The following CAMTA1 variants were observed in gnomAD, a reference collection of about 807,000 sequenced individuals.
CAMTA1 encodes calmodulin-binding transcription activator 1.
Under a neutral mutation model 170.9 loss-of-function variants are expected in CAMTA1, and 27 were observed. The ratio of observed to expected loss-of-function variants is 0.16; its 90% CI spans 0.12 to 0.22. The LOEUF (loss-of-function observed/expected upper bound fraction) is 0.22, where lower values mean the gene tolerates loss of function less well. CAMTA1 is among the 10% of genes least tolerant of loss of function. The pLI is 1.00. For missense variants in CAMTA1, 1,619 were observed against 2,217.2 expected (o/e 0.73, Z 5.42); for synonymous variants, 833 against 891.5 (o/e 0.93, Z 1.17).
At chr1:7,367,395 A>G (rs1435489356) in intron 5 of CAMTA1, among the ~76,000 whole-genome samples, 1 of 152,250 alleles carries the variant, frequency 6.6e-6, no homozygotes, top group Non-Finnish European at 1.5e-5. Flanking sequence ...GGCCAGATTT[A>G]TTATGTTTAC....
intron 11 of CAMTA1, among the ~76,000 whole-genome samples, chr1:7,705,198 C>T (rs1447587477): frequency 6.8e-6 from 1 of 147,640 alleles, no homozygotes; most frequent in Non-Finnish European, 1.5e-5. Flanking sequence ...GTTTCTGGGG[C>T]GAGAGTGGGG....
At chr1:6,955,853 C>T (rs1053784652) in intron 3 of CAMTA1, among the ~76,000 whole-genome samples, 5 of 152,144 alleles carry the variant, frequency 3.3e-5, no homozygotes, top group South Asian at 2.1e-4. Flanking sequence ...CCATGCCCAG[C>T]AGAGTCAAGG....
At chr1:7,718,842 C>G (rs1339739110) in intron 11 of CAMTA1, among the ~76,000 whole-genome samples, 2 of 127,898 alleles carry the variant, frequency 1.6e-5, no homozygotes, top group Non-Finnish European at 3.1e-5. Flanking sequence ...CAGGCATGAG[C>G]CCGGTCAGCC....
At chr1:7,104,147 AAC>A (rs1379220052) in intron 4 of CAMTA1, among the ~76,000 whole-genome samples, 4 of 150,698 alleles carry the variant, frequency 2.7e-5, no homozygotes, top group African/African-American at 2.4e-5. Context: ...ACGTACACAC[AAC>A]ACACATATGC....
At chr1:7,731,263 C>T (rs192139142) in intron 11 of CAMTA1, among the ~76,000 whole-genome samples, 58 of 152,092 alleles carry the variant, frequency 3.8e-4, no homozygotes, top group African/African-American at 1.3e-3. Flanking sequence ...TGTTTGTCTC[C>T]GATGAGACAT....
intron 1 of CAMTA1, among the ~76,000 whole-genome samples, chr1:6,799,907 C>G (rs1643483581): frequency 6.6e-6 from 1 of 152,094 alleles, no homozygotes; most frequent in South Asian, 2.1e-4. Flanking sequence ...TATGGAATTT[C>G]ATTTCAGGGC....
intron 6 of CAMTA1, 84 bp from the exon 7 acceptor site, chr1:7,640,316 C>A (rs2095750930): frequency 2.7e-6 from 4 of 1,497,222 alleles, no homozygotes; most frequent in East Asian, 4.6e-5. Flanking sequence ...TCAGTCTCTG[C>A]CTGCACCTGC....
At chr1:7,556,305 C>T (rs372308678) in intron 6 of CAMTA1, among the ~76,000 whole-genome samples, 2 of 152,062 alleles carry the variant, frequency 1.3e-5, no homozygotes. Context: ...AAGGTGGGTT[C>T]CCAGGCCAGT....
chr1:7,078,019 C>G (rs75429478), intron 3 of CAMTA1, among the ~76,000 whole-genome samples: 1,953 of 152,276 alleles, frequency 0.013, 42 homozygotes, highest in African/African-American at 0.044. Flanking sequence ...TACACACACT[C>G]TGATATAAAT....
intron 4 of CAMTA1, among the ~76,000 whole-genome samples, chr1:7,167,104 C>T: frequency 6.6e-6 from 1 of 152,052 alleles, no homozygotes; most frequent in East Asian, 1.9e-4. Flanking sequence ...AGCCACCGTG[C>T]CCGGACAATG....
chr1:6,869,617 C>G (rs1472847812), intron 3 of CAMTA1, among the ~76,000 whole-genome samples: 1 of 152,142 alleles, frequency 6.6e-6, no homozygotes. Flanking sequence ...TAGCCTTTAC[C>G]TTCCCCTCCC....
intron 6 of CAMTA1, among the ~76,000 whole-genome samples, chr1:7,572,480 A>C (rs1180515361): frequency 6.6e-6 from 1 of 152,190 alleles, no homozygotes; most frequent in African/African-American, 2.4e-5. Context: ...TAGGTCTTAC[A>C]TTTAAGTCTT....
chr1:7,522,864 T>A (rs961803010), intron 6 of CAMTA1, among the ~76,000 whole-genome samples: 1 of 152,202 alleles, frequency 6.6e-6, no homozygotes, highest in Non-Finnish European at 1.5e-5. Flanking sequence ...GTTCTGTTGA[T>A]CTCTTTTTTT....
At chr1:7,240,421 A>C (rs546376395) in intron 4 of CAMTA1, among the ~76,000 whole-genome samples, 2 of 152,190 alleles carry the variant, frequency 1.3e-5, no homozygotes, top group African/African-American at 4.8e-5. Flanking sequence ...TTATGAACTC[A>C]TAGATTTAAA....
chr1:6,992,566 A>G (rs1696561698), intron 3 of CAMTA1, among the ~76,000 whole-genome samples: 1 of 152,216 alleles, frequency 6.6e-6, no homozygotes, highest in African/African-American at 2.4e-5. Context: ...ATTTATCAAG[A>G]AAAGAGGTTT....
At chr1:7,433,029 C>G (rs1411050697) in intron 5 of CAMTA1, among the ~76,000 whole-genome samples, 2 of 152,226 alleles carry the variant, frequency 1.3e-5, no homozygotes, top group African/African-American at 4.8e-5. Context: ...AGGAAGCAGG[C>G]AGCCTCCCTC....
intron 4 of CAMTA1, among the ~76,000 whole-genome samples, chr1:7,099,948 G>T (rs944447755): frequency 3.3e-5 from 5 of 152,206 alleles, no homozygotes; most frequent in African/African-American, 1.2e-4. Context: ...GAGAATCAAT[G>T]TGTCTCCCGC....
Position 7,681,383 on chromosome 1 carries a change from C to T in CAMTA1, c.2914+3650C>T, listed in dbSNP as rs573733582. ...ACCTGAAGCCTGAGCAGGGTTAGCCCGGGAAGAGGGGGCATCAAGGGTGGC... is the reference window on the plus strand; with the variant it reads ...ACCTGAAGCCTGAGCAGGGTTAGCCTGGGAAGAGGGGGCATCAAGGGTGGC... On this transcript the variant is annotated intron_variant, in intron 11 of 22. Transcript: ENST00000303635. This position sits in a 1 kb window ranked among gnomAD's most constrained non-coding sequence, Gnocchi z 4.6. Among the ~76,000 whole-genome samples the T allele has an allele frequency of 2.0e-5, 3 of 152,298 alleles. No individual in the cohort carries two copies. The highest frequency in any genetic ancestry group is 2.4e-5 in the African/African-American group (1 of 41,558).
intron 3 of CAMTA1, among the ~76,000 whole-genome samples, chr1:7,047,565 C>G (rs1403115997): frequency 6.6e-6 from 1 of 152,152 alleles, no homozygotes; most frequent in East Asian, 1.9e-4. Context: ...CCCTTTCATT[C>G]TCTTTTCTTG....
Sources: allele counts gnomAD v4.1 joint callset (sites outside exome capture counted in the v4.1 genomes callset), GRCh38; gene constraint gnomAD v4.1.1; non-coding constraint Gnocchi (gnomAD v3.1); transcripts MANE v1.5; gene names NCBI Gene and HGNC (gene_info 2026-07-23, HGNC 2026-07-21).